Variants in ARHGEF18 observed in about 807,000 individuals in gnomAD.
The protein encoded by ARHGEF18 is Rho/Rac guanine nucleotide exchange factor 18.
In ARHGEF18, 93 loss-of-function variants were observed where a neutral mutation model predicts 155.7. The observed-to-expected ratio is 0.60, with a 90% CI of 0.50 to 0.71. The LOEUF (loss-of-function observed/expected upper bound fraction) is 0.71. ARHGEF18 is among the 30% of genes least tolerant of loss of function. ARHGEF18 has a pLI of 0.00. For missense variants in ARHGEF18, 1,593 were observed against 1,816.1 expected, an observed-to-expected ratio of 0.88 and a Z score of 2.23; for synonymous variants, 742 against 753.1, an observed-to-expected ratio of 0.99 and a Z score of 0.24.
chr19:7,416,636 T>C (rs1378705809), intron 10 of ARHGEF18, among the ~76,000 whole-genome samples: 2 of 148,124 alleles, frequency 1.4e-5, no homozygotes, highest in Non-Finnish European at 3.0e-5. Context: ...AGAGTCTTGC[T>C]CTGCTGCCAA....
chr19:7,458,329 G>A (rs1975981725), intron 18 of ARHGEF18, among the ~76,000 whole-genome samples, 183 bp from the exon 19 acceptor site: 1 of 149,252 alleles, frequency 6.7e-6, no homozygotes, highest in Admixed American at 6.7e-5. Context: ...AAGGTTTCTA[G>A]GATTTCACTG....
intron 10 of ARHGEF18, among the ~76,000 whole-genome samples, chr19:7,385,435 G>C (rs985484405): frequency 2.0e-5 from 3 of 146,478 alleles, no homozygotes; most frequent in Non-Finnish European, 4.5e-5. Flanking sequence ...GCCGTCATCT[G>C]GGAACTTCAT....
At chr19:7,460,504 C>T (rs545443063) in intron 20 of ARHGEF18, among the ~76,000 whole-genome samples, 5 of 152,146 alleles carry the variant, frequency 3.3e-5, no homozygotes, top group South Asian at 2.1e-4. Flanking sequence ...TTTAGAACAT[C>T]CCACCACCCC....
At chr19:7,472,706 G>C (rs1977097576), downstream of ARHGEF18, 1 of 293,380 alleles carries the variant, frequency 3.4e-6, no homozygotes, top group African/African-American at 2.2e-5. Context: ...TTTTTGGTTT[G>C]TTTGTTTTTT....
Position 7,383,060 on chromosome 19 carries a change from A to C in ARHGEF18, c.826-2A>C. On this transcript the variant is annotated splice_acceptor_variant, in intron 9 of 28. Transcript: ENST00000668164. LOFTEE classifies it high-confidence loss of function. ...CCTGAGACCCACCTCTGTCCCATCC[A>C]GGGGAAGAGCCCAGCACATCTGAAG... is the stretch of plus-strand genomic sequence containing the variant. The C allele has an allele frequency of 8.1e-7, 1 of 1,232,358 alleles. No homozygotes were observed. The allele number at this position is 1,232,358 out of a possible 1,614,324, so 76.3% of individuals were successfully genotyped here.
chr19:7,438,088 C>T (rs1360757342), intron 10 of ARHGEF18, among the ~76,000 whole-genome samples: 4 of 138,642 alleles, frequency 2.9e-5, no homozygotes, highest in Non-Finnish European at 6.2e-5. Flanking sequence ...CCCTCCCTTC[C>T]CCTCTCCTCC....
chr19:7,441,822 G>A, intron 12 of ARHGEF18, 57 bp downstream of exon 12: 6 of 1,612,536 alleles, frequency 3.7e-6, no homozygotes, highest in Non-Finnish European at 5.1e-6. Context: ...CTCCTGGGAA[G>A]AGCTGGGGCT....
At chr19:7,459,111 C>G (rs918214565) in intron 19 of ARHGEF18, among the ~76,000 whole-genome samples, 1 of 152,182 alleles carries the variant, frequency 6.6e-6, no homozygotes, top group Admixed American at 6.5e-5. Flanking sequence ...GTGATGCAAT[C>G]TCGGCTCACT....
Position 7,462,340 on chromosome 19 carries a change from T to C in ARHGEF18, c.2635+6T>C. The C allele has an allele frequency of 6.3e-7, 1 of 1,580,100 alleles. No homozygotes were observed. Among genetic ancestry groups the C allele is most frequent in the Non-Finnish European group, 8.6e-7 (1 of 1,164,188 alleles). On this transcript the variant is annotated splice_donor_region_variant and intron_variant, in intron 21 of 28. Transcript: ENST00000668164. This position sits in a 1 kb window ranked among gnomAD's most constrained non-coding sequence, Gnocchi z 4.4. ...CAAGTCGGCCATGAGCGAGAGTAAG[T>C]TGGCTGCCCACACCTCAAGGGTGCA...
At chr19:7,393,119 C>T (rs1039251533) in intron 10 of ARHGEF18, among the ~76,000 whole-genome samples, 2 of 147,806 alleles carry the variant, frequency 1.4e-5, no homozygotes, top group Non-Finnish European at 3.0e-5. Flanking sequence ...GCCACAGCTA[C>T]ACAGCTGCCC....
At chr19:7,400,488 G>A (rs1971977773) in intron 10 of ARHGEF18, among the ~76,000 whole-genome samples, 1 of 152,056 alleles carries the variant, frequency 6.6e-6, no homozygotes, top group African/African-American at 2.4e-5. Context: ...TTCAGGAGGA[G>A]AGAAAGTGAA....
At chr19:7,380,295 G>A (rs1194435506) in intron 7 of ARHGEF18, among the ~76,000 whole-genome samples, 4 of 151,722 alleles carry the variant, frequency 2.6e-5, no homozygotes, top group East Asian at 1.9e-4. Flanking sequence ...TGACTAACAT[G>A]GTGAAACCCC....
At chr19:7,379,690 G>A (rs947444886) in intron 7 of ARHGEF18, among the ~76,000 whole-genome samples, 3 of 152,184 alleles carry the variant, frequency 2.0e-5, no homozygotes, top group Non-Finnish European at 2.9e-5. Context: ...GGAGCAAACA[G>A]GTGAAGGTGC....
At chr19:7,354,249 C>T (rs1482165319) in intron 1 of ARHGEF18, among the ~76,000 whole-genome samples, 3 of 152,012 alleles carry the variant, frequency 2.0e-5, no homozygotes, top group African/African-American at 4.8e-5. Context: ...CCAACGGGTT[C>T]GAGGCTGCAG....
chr19:7,415,936 A>C (rs1972978642), intron 10 of ARHGEF18, among the ~76,000 whole-genome samples: 1 of 152,170 alleles, frequency 6.6e-6, no homozygotes, highest in African/African-American at 2.4e-5. Flanking sequence ...ATTGGTGCAG[A>C]GTGGAGAAAA....
At chr19:7,406,179 G>T (rs1015341253) in intron 10 of ARHGEF18, among the ~76,000 whole-genome samples, 2 of 152,006 alleles carry the variant, frequency 1.3e-5, no homozygotes, top group Non-Finnish European at 2.9e-5. Flanking sequence ...CATCCGCTTG[G>T]GTTCAAGCGA....
intron 4 of ARHGEF18, 23 bp from the exon 5 acceptor site, chr19:7,376,620 G>C (rs11672432): frequency 1.2e-5 from 15 of 1,230,318 alleles, no homozygotes; most frequent in African/African-American, 1.6e-5. Flanking sequence ...TCCCAGCTTA[G>C]TGAGATGTTT....
chr19:7,466,782 C>G (rs1321195935), intron 23 of ARHGEF18, 136 bp from the exon 24 acceptor site: 1 of 862,720 alleles, frequency 1.2e-6, no homozygotes, highest in Admixed American at 3.4e-5. Context: ...CCAGCTTGGG[C>G]AACAAGAGCA....
chr19:7,433,738 G>C (rs150588270), intron 10 of ARHGEF18, among the ~76,000 whole-genome samples: 183 of 152,026 alleles, frequency 1.2e-3, no homozygotes, highest in African/African-American at 4.3e-3. Flanking sequence ...TGGGGTCTTA[G>C]GCTGGGTGCG....
Sources: allele counts gnomAD v4.1 joint callset (sites outside exome capture counted in the v4.1 genomes callset), GRCh38; gene constraint gnomAD v4.1.1; non-coding constraint Gnocchi (gnomAD v3.1); transcripts MANE v1.5; gene names NCBI Gene and HGNC (gene_info 2026-07-23, HGNC 2026-07-21).